RELN: variants seen among roughly 807,000 people sequenced by gnomAD.
RELN encodes reelin.
Under a neutral mutation model 427.6 loss-of-function variants are expected in RELN, and 108 were observed. The observed-to-expected ratio is 0.25, with a 90% CI of 0.22 to 0.30. The LOEUF (loss-of-function observed/expected upper bound fraction) is 0.30, where lower values mean the gene tolerates loss of function less well. Ranked by LOEUF, RELN falls within the 10% of genes least tolerant of loss-of-function variation. The pLI is 1.00. For synonymous variants in RELN, 1,524 were observed against 1,513.4 expected, an observed-to-expected ratio of 1.01 and a Z score of -0.16; for missense variants, 3,715 against 4,302.8, an observed-to-expected ratio of 0.86 and a Z score of 3.82.
intron 2 of RELN, among the ~76,000 whole-genome samples, chr7:103,888,977 C>A (rs1794784887): frequency 6.6e-6 from 1 of 152,190 alleles, no homozygotes; most frequent in East Asian, 1.9e-4. Flanking sequence ...CTGCTAATCA[C>A]TGACCCCAAC....
At chr7:103,735,632 C>G (rs116493055) in intron 6 of RELN, among the ~76,000 whole-genome samples, 1 of 152,138 alleles carries the variant, frequency 6.6e-6, no homozygotes, top group Non-Finnish European at 1.5e-5. Context: ...AGTCTAATGG[C>G]ATGACTCATT....
At chr7:103,844,354 T>C (rs1473632334) in intron 2 of RELN, among the ~76,000 whole-genome samples, 1 of 152,098 alleles carries the variant, frequency 6.6e-6, no homozygotes, top group Non-Finnish European at 1.5e-5. Context: ...AAATTACTAC[T>C]CAGCACCATG....
rs771941744 is a variant in RELN, at chr7:103,651,684, G to A, written c.1869C>T (p.Val623=). The change falls in exon 15 of 65, where the codon GTC becomes GTT. Residue 623 remains valine (V), a synonymous_variant. Coordinates refer to ENST00000428762, the MANE Select transcript of RELN (RefSeq NM_005045.4). ...CAGPHLPHST[V]YSSENYSGWN... is the part of the protein sequence containing the mutation. ...ACCCACTGTAGTTTTCAGAGGAGTAGACAGTGCTGTGGGGGAGGTGGGGTC... is the reference window on the plus strand; with the variant it reads ...ACCCACTGTAGTTTTCAGAGGAGTAAACAGTGCTGTGGGGGAGGTGGGGTC... The A allele has an allele frequency of 3.7e-6, 6 of 1,611,816 alleles. No homozygotes were observed. In the South Asian group the frequency reaches 6.6e-5, roughly 18 times the overall value.
At chr7:103,983,071 C>T (rs540867350) in intron 1 of RELN, among the ~76,000 whole-genome samples, 6 of 152,278 alleles carry the variant, frequency 3.9e-5, no homozygotes, top group Non-Finnish European at 7.4e-5. Context: ...AAACTCAGAA[C>T]GCTTGTAACT....
At position 103,569,755 on chromosome 7, in the gene RELN, G is replaced by C. The variant is rs1203951679; in HGVS notation, c.4588+2429C>G. Among the ~76,000 whole-genome samples, 1 of 152,178 alleles carries C rather than the reference G, an allele frequency of 6.6e-6. No individual in the cohort carries two copies. The highest frequency in any genetic ancestry group is 1.5e-5 in the Non-Finnish European group (1 of 68,038). ...GGTCGAGGAATGCAAGAAAGGCAAA[G>C]AGCAATATACATATCTCATATCACT... On this transcript the variant is annotated intron_variant, in intron 31 of 64. Transcript: ENST00000428762. The surrounding 1 kb of genome is among the most constrained non-coding windows in gnomAD (Gnocchi z 4.0).
At chr7:103,508,766 G>C (rs766485954) in intron 51 of RELN, among the ~76,000 whole-genome samples, 2 of 152,196 alleles carry the variant, frequency 1.3e-5, no homozygotes, top group Non-Finnish European at 2.9e-5. Flanking sequence ...CATCGTCTCA[G>C]CCCAAAATCT....
At chr7:103,505,095 C>A (rs1354841324) in intron 51 of RELN, among the ~76,000 whole-genome samples, 2 of 152,220 alleles carry the variant, frequency 1.3e-5, no homozygotes, top group African/African-American at 4.8e-5. Context: ...AAACTTCCAT[C>A]TCCCTGGGAT....
At chr7:103,909,738 TATATAA>T (rs1466817960) in intron 2 of RELN, among the ~76,000 whole-genome samples, 7 of 31,732 alleles carry the variant, frequency 2.2e-4, no homozygotes, top group Non-Finnish European at 3.5e-4. Context: ...TTTTTTAATA[TATATAA>T]ATATATATAT....
intron 64 of RELN, among the ~76,000 whole-genome samples, chr7:103,474,413 A>C (rs1038041792): frequency 6.6e-6 from 1 of 152,196 alleles, no homozygotes; most frequent in African/African-American, 2.4e-5. Context: ...TGAAGACATT[A>C]TAGAGAAAAA....
At chr7:103,984,478 C>T (rs893905520) in intron 1 of RELN, among the ~76,000 whole-genome samples, 9 of 151,958 alleles carry the variant, frequency 5.9e-5, no homozygotes, top group African/African-American at 2.2e-4. Flanking sequence ...GGAATTTCTG[C>T]CAAAATGAAA....
At chr7:103,817,171 T>C (rs1486561924) in intron 3 of RELN, among the ~76,000 whole-genome samples, 1 of 152,202 alleles carries the variant, frequency 6.6e-6, no homozygotes, top group Non-Finnish European at 1.5e-5. Flanking sequence ...TATTTCTTTA[T>C]GTTTGTATAC....
intron 2 of RELN, among the ~76,000 whole-genome samples, chr7:103,886,188 T>C (rs1794722635): frequency 6.6e-6 from 1 of 152,038 alleles, no homozygotes; most frequent in South Asian, 2.1e-4. Flanking sequence ...CAAAATGAAA[T>C]AGGCAAAAGG....
intron 3 of RELN, among the ~76,000 whole-genome samples, chr7:103,829,101 T>C (rs182167141): frequency 7.6e-4 from 115 of 152,046 alleles, no homozygotes; most frequent in African/African-American, 2.5e-3. Flanking sequence ...GAGATAATAA[T>C]AGTACCGACT....
intron 6 of RELN, among the ~76,000 whole-genome samples, chr7:103,742,743 C>G (rs1790700273): frequency 6.6e-6 from 1 of 152,200 alleles, no homozygotes; most frequent in South Asian, 2.1e-4. Context: ...AACAAATCCT[C>G]TAAGAAATAT....
intron 4 of RELN, among the ~76,000 whole-genome samples, chr7:103,776,065 C>T (rs1362067790): frequency 6.6e-6 from 1 of 152,208 alleles, no homozygotes; most frequent in Non-Finnish European, 1.5e-5. Flanking sequence ...ATATATCTGA[C>T]ATTATGTAAA....
At chr7:103,776,427 A>G (rs1240424246) in intron 4 of RELN, 130 bp downstream of exon 4, 4 of 890,612 alleles carry the variant, frequency 4.5e-6, no homozygotes, top group Non-Finnish European at 7.5e-6. Context: ...AGTGATACGA[A>G]GGGTCAATAC....
intron 1 of RELN, among the ~76,000 whole-genome samples, chr7:103,977,505 G>A (rs1442425998): frequency 6.6e-6 from 1 of 151,918 alleles, no homozygotes; most frequent in Non-Finnish European, 1.5e-5. Context: ...AGATCTATAT[G>A]TACAATAAGA....
At chr7:103,732,315 T>C (rs1371666439) in intron 6 of RELN, among the ~76,000 whole-genome samples, 1 of 152,098 alleles carries the variant, frequency 6.6e-6, no homozygotes, top group Non-Finnish European at 1.5e-5. Context: ...CAAACCATCA[T>C]CATAATCCTT....
chr7:103,945,532 G>A (rs956454008), intron 1 of RELN, among the ~76,000 whole-genome samples: 2 of 152,080 alleles, frequency 1.3e-5, no homozygotes, highest in African/African-American at 4.8e-5. Context: ...CTTCCTTCTA[G>A]CTGTTCCTCT....
Sources: allele counts gnomAD v4.1 joint callset (sites outside exome capture counted in the v4.1 genomes callset), GRCh38; gene constraint gnomAD v4.1.1; non-coding constraint Gnocchi (gnomAD v3.1); transcripts MANE v1.5; gene names NCBI Gene and HGNC (gene_info 2026-07-23, HGNC 2026-07-21).